The following STK32B variants were observed in gnomAD, a reference collection of about 807,000 sequenced individuals.
STK32B encodes serine/threonine kinase 32B, also known as serine/threonine-protein kinase 32B.
A neutral mutation model predicts 52.6 loss-of-function variants in STK32B; 43 were observed. The ratio of observed to expected loss-of-function variants is 0.82; its 90% CI spans 0.64 to 1.05. The LOEUF is 1.05. STK32B is among the 50% of genes least tolerant of loss of function. STK32B has a pLI of 0.00. For missense variants in STK32B, 621 were observed against 534.6 expected, an observed-to-expected ratio of 1.16 and a Z score of -1.59; for synonymous variants, 238 against 204.3, an observed-to-expected ratio of 1.17 and a Z score of -1.41.
chr4:5,086,217 G>T (rs1712726578), intron 1 of STK32B, among the ~76,000 whole-genome samples: 1 of 152,180 alleles, frequency 6.6e-6, no homozygotes, highest in Non-Finnish European at 1.5e-5. Flanking sequence ...ACTTGAGGAA[G>T]CCCCAGACTT....
At chr4:5,344,647 T>C (rs542641864) in intron 4 of STK32B, among the ~76,000 whole-genome samples, 1 of 151,890 alleles carries the variant, frequency 6.6e-6, no homozygotes. Flanking sequence ...CTTATCTGAG[T>C]TTTTTGTTTT....
chr4:5,269,631 T>TA (rs755875877), intron 3 of STK32B, among the ~76,000 whole-genome samples: 4 of 152,112 alleles, frequency 2.6e-5, no homozygotes, highest in African/African-American at 7.2e-5. Context: ...ATGAATTTTG[T>TA]AAAAAAGGCC....
At chr4:5,402,822 G>T (rs535709826) in intron 5 of STK32B, among the ~76,000 whole-genome samples, 1 of 152,202 alleles carries the variant, frequency 6.6e-6, no homozygotes, top group African/African-American at 2.4e-5. Flanking sequence ...GGGCTGTGGG[G>T]CAGCAGAAGG....
intron 3 of STK32B, among the ~76,000 whole-genome samples, chr4:5,317,585 C>T (rs1193678628): frequency 3.9e-5 from 5 of 129,692 alleles, no homozygotes; most frequent in African/African-American, 1.3e-4. Context: ...GTAAGGAGGA[C>T]ATTAGGCTTA....
intron 3 of STK32B, among the ~76,000 whole-genome samples, chr4:5,274,293 C>G (rs1432827145): frequency 1.3e-5 from 2 of 152,002 alleles, no homozygotes; most frequent in African/African-American, 4.8e-5. Flanking sequence ...ACAAATAGAT[C>G]AATAGAACAG....
At chr4:5,177,796 C>G (rs557903316) in intron 3 of STK32B, among the ~76,000 whole-genome samples, 1 of 152,304 alleles carries the variant, frequency 6.6e-6, no homozygotes, top group Non-Finnish European at 1.5e-5. Context: ...CTTTAAGTTC[C>G]AAAATGATCT....
At chr4:5,220,882 C>G (rs995601623) in intron 3 of STK32B, among the ~76,000 whole-genome samples, 4 of 152,178 alleles carry the variant, frequency 2.6e-5, no homozygotes, top group Admixed American at 1.3e-4. Context: ...TCCTCTTTAT[C>G]AAGTTGACTG....
chr4:5,459,428 C>T (rs1023556813), intron 8 of STK32B, among the ~76,000 whole-genome samples: 7 of 152,312 alleles, frequency 4.6e-5, no homozygotes, highest in Admixed American at 3.9e-4. Context: ...AGCAGCTCGC[C>T]CAAGGTCACA....
chr4:5,295,140 G>A (rs1340205540), intron 3 of STK32B, among the ~76,000 whole-genome samples: 13 of 152,130 alleles, frequency 8.5e-5, no homozygotes, highest in Non-Finnish European at 1.5e-5. Context: ...AATTGTGGTG[G>A]ATAAGCTTTT....
intron 3 of STK32B, among the ~76,000 whole-genome samples, chr4:5,188,290 A>T (rs1306625542): frequency 6.6e-6 from 1 of 152,214 alleles, no homozygotes; most frequent in Non-Finnish European, 1.5e-5. Flanking sequence ...AAAGAGCCGC[A>T]GAAATAGCAT....
chr4:5,150,089 A>G (rs1717222144), intron 2 of STK32B, among the ~76,000 whole-genome samples: 1 of 151,972 alleles, frequency 6.6e-6, no homozygotes, highest in Non-Finnish European at 1.5e-5. Flanking sequence ...AAGTCATTAA[A>G]CTTTGAATCA....
At chr4:5,420,909 G>GT (rs1477355859) in intron 6 of STK32B, among the ~76,000 whole-genome samples, 2 of 151,840 alleles carry the variant, frequency 1.3e-5, no homozygotes, top group Admixed American at 6.6e-5. Flanking sequence ...GTTTTGTTTT[G>GT]TTTTTTTAAG....
At chr4:5,124,888 C>G (rs1484487345) in intron 1 of STK32B, among the ~76,000 whole-genome samples, 1 of 152,200 alleles carries the variant, frequency 6.6e-6, no homozygotes, top group Non-Finnish European at 1.5e-5. Context: ...AATCTTACTC[C>G]TGGGTTATGT....
chr4:5,024,701 C>T, the STK32B span, among the ~76,000 whole-genome samples: 53 of 152,334 alleles, frequency 3.5e-4, no homozygotes, highest in Non-Finnish European at 3.1e-4. Flanking sequence ...CCACCCTCTG[C>T]GACAGGCCTT....
intron 3 of STK32B, among the ~76,000 whole-genome samples, chr4:5,183,024 C>T (rs1221980604): frequency 1.3e-5 from 2 of 152,092 alleles, no homozygotes; most frequent in Non-Finnish European, 2.9e-5. Flanking sequence ...TGCTGTCTTC[C>T]AGGCTTTGTT....
chr4:5,246,252 C>A (rs555647271), intron 3 of STK32B, among the ~76,000 whole-genome samples: 1 of 152,198 alleles, frequency 6.6e-6, no homozygotes, highest in African/African-American at 2.4e-5. Flanking sequence ...TCCCATATTT[C>A]TTGGAAGCTT....
intron 4 of STK32B, among the ~76,000 whole-genome samples, chr4:5,374,595 A>C (rs10428450): frequency 0.013 from 2,033 of 152,288 alleles, 46 homozygotes; most frequent in African/African-American, 0.047. Context: ...TGCTCCCCAT[A>C]GAAGATGCTT....
intron 3 of STK32B, among the ~76,000 whole-genome samples, chr4:5,226,557 A>G (rs1404382061): frequency 2.6e-5 from 4 of 152,324 alleles, no homozygotes; most frequent in South Asian, 2.1e-4. Context: ...CACCGTATCT[A>G]TGCCATCTGT....
At chr4:5,285,281 T>A (rs1277442031) in intron 3 of STK32B, among the ~76,000 whole-genome samples, 1 of 151,950 alleles carries the variant, frequency 6.6e-6, no homozygotes, top group Admixed American at 6.6e-5. Flanking sequence ...GGGGAGGGGG[T>A]TGATGCCTTT....
Sources: gnomAD v4.1 joint callset for allele counts (sites outside exome capture counted in the v4.1 genomes callset) on GRCh38, gnomAD v4.1.1 for gene constraint, MANE v1.5 for transcripts, NCBI Gene and HGNC (gene_info 2026-07-23, HGNC 2026-07-21) for gene names.